The following TEX2 variants were observed in gnomAD, a reference collection of about 807,000 sequenced individuals.
TEX2 encodes testis-expressed protein 2.
Under a neutral mutation model 106.9 loss-of-function variants are expected in TEX2, and 53 were observed. The observed-to-expected ratio is 0.50, with a 90% CI of 0.40 to 0.62. The LOEUF is 0.62. Among genes scored for constraint, TEX2 ranks in the 20% least tolerant of loss-of-function variants. TEX2 has a pLI of 0.00. For synonymous variants in TEX2, 523 were observed against 534.8 expected, an observed-to-expected ratio of 0.98 and a Z score of 0.30; for missense variants, 1,207 against 1,379.0, an observed-to-expected ratio of 0.88 and a Z score of 1.98.
intron 1 of TEX2, among the ~76,000 whole-genome samples, chr17:64,228,954 AC>A: frequency 6.6e-6 from 1 of 151,792 alleles, no homozygotes; most frequent in East Asian, 1.9e-4. Context: ...ACACACACAC[AC>A]ACACACACAC....
intron 1 of TEX2, among the ~76,000 whole-genome samples, chr17:64,251,137 G>A (rs2034082643): frequency 6.6e-6 from 1 of 152,184 alleles, no homozygotes; most frequent in Non-Finnish European, 1.5e-5. Context: ...ACCACCAGAT[G>A]GTATTTGCCT....
At chr17:64,242,362 T>C (rs1555635855) in intron 1 of TEX2, 1 of 152,206 alleles carries the variant, frequency 6.6e-6, no homozygotes, top group African/African-American at 2.4e-5. Context: ...AACCACTTTG[T>C]ATAAGGTTGT....
At position 64,177,368 on chromosome 17, in the gene TEX2, T is replaced by G; in HGVS notation, c.2528A>C (p.Asp843Ala). 1 of 1,614,216 alleles carries G rather than the reference T, an allele frequency of 6.2e-7. No homozygotes were observed. Among genetic ancestry groups the G allele is most frequent in the Non-Finnish European group, 8.5e-7 (1 of 1,180,028 alleles). ...WDFLGEKYWS[D>A]LVSKKIQMKL... Reference sequence around the variant, plus strand: ...CATTTGGATCTTCTTAGACACCAGATCAGACCAGTATTTCTCTCCTAAGAA... The same window carrying G: ...CATTTGGATCTTCTTAGACACCAGAGCAGACCAGTATTTCTCTCCTAAGAA... The change falls in exon 6 of 12, where the codon GAT becomes GCT. Residue 843 changes from aspartate (D) to alanine (A), a missense_variant. Physicochemically the swap from Asp to Ala is moderately radical, Grantham distance 126. Transcript: ENST00000584379.
chr17:64,178,066 G>A (rs2031686979), intron 5 of TEX2, among the ~76,000 whole-genome samples: 1 of 152,244 alleles, frequency 6.6e-6, no homozygotes, highest in African/African-American at 2.4e-5. Flanking sequence ...ATGAATCACA[G>A]ATCTGGATTA....
At position 64,188,406 on chromosome 17, in the gene TEX2, G is replaced by A. The variant is rs1198271327; in HGVS notation, c.2186C>T (p.Pro729Leu). Residue 729 changes from proline to leucine, a missense_variant, in exon 5 of 12, where the codon CCT (proline) becomes CTT (leucine). Pro to Leu is a moderately conservative substitution (Grantham distance 98). Transcript: ENST00000584379. ...GVSGGKPGLL[P>L]AHSRHNSPSG... ...CGGACTGTTGTGTCTGCTGTGTGCAGGCAAAAGCCCTGGAGCCAAGAAGAC... is the reference window on the plus strand; with the variant it reads ...CGGACTGTTGTGTCTGCTGTGTGCAAGCAAAAGCCCTGGAGCCAAGAAGAC... 1 of 1,614,196 alleles carries A rather than the reference G, an allele frequency of 6.2e-7. No individual in the cohort carries two copies. The highest frequency in any genetic ancestry group is 1.1e-5 in the South Asian group (1 of 91,088).
chr17:64,207,329 T>C (rs782015333), intron 2 of TEX2, among the ~76,000 whole-genome samples: 3 of 152,126 alleles, frequency 2.0e-5, no homozygotes, highest in Non-Finnish European at 4.4e-5. Context: ...ACAGCTCATA[T>C]ATGGAGTCCT....
At chr17:64,188,068 G>GTTA in intron 5 of TEX2, 100 bp downstream of exon 5, 1 of 1,394,498 alleles carries the variant, frequency 7.2e-7, no homozygotes, top group East Asian at 2.3e-5. Flanking sequence ...GTGTACCACT[G>GTTA]TTATCCCAGT....
intron 7 of TEX2, 42 bp downstream of exon 7, chr17:64,171,058 G>T: frequency 6.7e-7 from 1 of 1,496,300 alleles, no homozygotes; most frequent in Non-Finnish European, 9.3e-7. Flanking sequence ...CTGCAGCAAA[G>T]GATATATTTT....
chr17:64,225,929 G>A (rs1200292425), intron 1 of TEX2, among the ~76,000 whole-genome samples: 1 of 152,088 alleles, frequency 6.6e-6, no homozygotes, highest in Non-Finnish European at 1.5e-5. Flanking sequence ...TGTTGGCCAG[G>A]CTGGTCTTGA....
At chr17:64,207,079 A>G (rs1297385417) in intron 2 of TEX2, among the ~76,000 whole-genome samples, 3 of 152,230 alleles carry the variant, frequency 2.0e-5, no homozygotes, top group Non-Finnish European at 2.9e-5. Flanking sequence ...GGACCCTGAT[A>G]AAGTACACAA....
chr17:64,171,549 T>C (rs1335297794), intron 6 of TEX2, among the ~76,000 whole-genome samples: 4 of 151,954 alleles, frequency 2.6e-5, no homozygotes, highest in Non-Finnish European at 4.4e-5. Context: ...AGGTCAGGGA[T>C]GGCTTCCCTG....
At chr17:64,150,789 A>G in intron 11 of TEX2, 52 bp downstream of exon 11, 1 of 1,563,750 alleles carries the variant, frequency 6.4e-7, no homozygotes, top group Non-Finnish European at 8.6e-7. Flanking sequence ...CCTCGGCTAA[A>G]CCCAGAGCTT....
At chr17:64,197,929 T>C (rs782017142) in intron 2 of TEX2, among the ~76,000 whole-genome samples, 1 of 152,192 alleles carries the variant, frequency 6.6e-6, no homozygotes, top group Non-Finnish European at 1.5e-5. Flanking sequence ...TTCTGATAGG[T>C]TGTATTTTCA....
rs1219156769 is a variant in TEX2, at chr17:64,193,699, C to G, written c.2036G>C (p.Arg679Thr). ...GAGTATCTGATCTCGCTGGCTAGAT[C>G]TTGTTCCCTCCTGAGGGCGGGGTGG... Reference protein sequence around the residue: ...KKPPRPQEGTRSSQRDQILYL... With the variant: ...KKPPRPQEGTTSSQRDQILYL... The change falls in exon 4 of 12, where the codon AGA becomes ACA. Residue 679 changes from arginine to threonine, a missense_variant. Physicochemically the swap from Arg to Thr is moderately conservative, Grantham distance 71. Transcript: ENST00000584379. 3 of 1,611,390 alleles carry G rather than the reference C, an allele frequency of 1.9e-6. No individual in the cohort carries two copies. The highest frequency in any genetic ancestry group is 1.3e-5 in the African/African-American group (1 of 74,740).
intron 2 of TEX2, among the ~76,000 whole-genome samples, chr17:64,198,800 A>G (rs556831281): frequency 6.6e-6 from 1 of 152,324 alleles, no homozygotes; most frequent in African/African-American, 2.4e-5. Context: ...TTACAGATAC[A>G]TGTACAAAAG....
In TEX2 at chr17:64,153,244, A is replaced by G; in HGVS notation, c.2931-90T>C. On this transcript the variant is annotated intron_variant, in intron 9 of 11. Coordinates refer to ENST00000584379, the MANE Select transcript of TEX2 (RefSeq NM_001288732.2). This position sits in a 1 kb window ranked among gnomAD's most constrained non-coding sequence, Gnocchi z 4.1. ...TGGCTCTTCGTTCCCCTTACTTTAG[A>G]GCACCACTCGATGTTTTGGATGTGG... is the stretch of plus-strand genomic sequence containing the variant. The G allele has an allele frequency of 1.2e-6, 1 of 867,370 alleles. No individual in the cohort carries two copies. The highest frequency in any genetic ancestry group is 2.8e-4 in the Middle Eastern group (1 of 3,596). 53.7% of individuals were successfully genotyped at this position (867,370 alleles called of 1,614,324 possible). A position where few individuals can be genotyped will look rare whatever the true frequency, so the allele number is the denominator to read the frequency against.
chr17:64,170,034 C>T (rs147544663), intron 7 of TEX2, among the ~76,000 whole-genome samples: 50 of 152,256 alleles, frequency 3.3e-4, no homozygotes, highest in African/African-American at 1.1e-3. Context: ...CTGTCAAGAT[C>T]CTTTTAAAAC....
At chr17:64,201,262 C>T (rs2032650662) in intron 2 of TEX2, among the ~76,000 whole-genome samples, 1 of 152,150 alleles carries the variant, frequency 6.6e-6, no homozygotes, top group African/African-American at 2.4e-5. Context: ...GTAAAAGGGT[C>T]CAGGTGGCTT....
At position 64,185,922 on chromosome 17, in the gene TEX2, C is replaced by CA. The variant is rs1271589206; in HGVS notation, c.2424+2245dup. ...GGGGAAAAAGAGCAAAACTCCATCT[C>CA]AAAAAAAAAAGTCATCAGACTTAGA... On this transcript the variant is annotated intron_variant, in intron 5 of 11. Transcript: ENST00000584379. This position sits in a 1 kb window ranked among gnomAD's most constrained non-coding sequence, Gnocchi z 4.0. Among the ~76,000 whole-genome samples, 1,684 of 146,968 alleles carry CA rather than the reference C, an allele frequency of 0.011. 26 individuals are homozygous for CA. Among genetic ancestry groups the CA allele is most frequent in the African/African-American group, 0.039 (1,584 of 40,138 alleles).
Sources: allele counts gnomAD v4.1 joint callset (sites outside exome capture counted in the v4.1 genomes callset), GRCh38; gene constraint gnomAD v4.1.1; non-coding constraint Gnocchi (gnomAD v3.1); transcripts MANE v1.5; gene names NCBI Gene and HGNC (gene_info 2026-07-23, HGNC 2026-07-21).